Variants in NSUN6 observed in about 807,000 individuals in gnomAD.
NSUN6 encodes the protein NOP2/Sun RNA methyltransferase 6, also known as tRNA (cytosine(72)-C(5))-methyltransferase NSUN6.
NSUN6 carries 64 observed loss-of-function variants against 58.0 expected under a neutral mutation model. The ratio of observed to expected loss-of-function variants is 1.10; its 90% confidence interval spans 0.90 to 1.36. The LOEUF is 1.36. Ranked by LOEUF, NSUN6 falls within the 40% of genes most tolerant of loss-of-function variation. The pLI is 0.00. For missense variants in NSUN6, 701 were observed against 550.1 expected (o/e 1.27, Z -2.74); for synonymous variants, 231 against 193.9 (o/e 1.19, Z -1.59).
chr10:18,575,078 A>G (rs2056582554), intron 8 of NSUN6, among the ~76,000 whole-genome samples: 1 of 152,184 alleles, frequency 6.6e-6, no homozygotes. Context: ...ATGAAAATGG[A>G]TATTGCCAGA....
intron 4 of NSUN6, 97 bp from the exon 5 acceptor site, chr10:18,614,710 A>G (rs2058351261): frequency 2.1e-6 from 1 of 479,554 alleles, no homozygotes; most frequent in Non-Finnish European, 3.4e-6. Flanking sequence ...AGAGGCATCA[A>G]TAGTGGGCAT....
chr10:18,571,925 TTCCATTCCATTC>T (rs1490562102), intron 8 of NSUN6, among the ~76,000 whole-genome samples: 2 of 150,010 alleles, frequency 1.3e-5, no homozygotes, highest in Non-Finnish European at 3.0e-5. Context: ...CCATTCCCCT[TTCCATTCCATTC>T]TCCATTCCAT....
chr10:18,587,149 G>A (rs1216344121), intron 7 of NSUN6, among the ~76,000 whole-genome samples: 3 of 152,044 alleles, frequency 2.0e-5, no homozygotes, highest in African/African-American at 7.3e-5. Context: ...TGCAATCTTC[G>A]AAAGACACTT....
At chr10:18,546,915 G>C (rs1192904997) in intron 10 of NSUN6, among the ~76,000 whole-genome samples, 2 of 149,888 alleles carry the variant, frequency 1.3e-5, no homozygotes, top group Admixed American at 1.3e-4. Context: ...GAGAAGGAAG[G>C]GAGTGGGGAC....
intron 6 of NSUN6, among the ~76,000 whole-genome samples, chr10:18,601,352 C>A (rs908893142): frequency 6.6e-6 from 1 of 152,138 alleles, no homozygotes; most frequent in African/African-American, 2.4e-5. Context: ...TCACAGACTT[C>A]TCTGTGGGCC....
intron 7 of NSUN6, among the ~76,000 whole-genome samples, chr10:18,594,212 AAAG>A (rs1377291471): frequency 6.6e-6 from 1 of 151,688 alleles, no homozygotes; most frequent in South Asian, 2.1e-4. Flanking sequence ...AAAAAAAAAA[AAAG>A]AAAGCAAGCC....
At chr10:18,649,553 C>G (rs1264896272) in intron 1 of NSUN6, among the ~76,000 whole-genome samples, 1 of 150,460 alleles carries the variant, frequency 6.6e-6, no homozygotes, top group Admixed American at 6.7e-5. Flanking sequence ...ACTTGAGTCC[C>G]AGAGGTCGAA....
chr10:18,581,686 T>C (rs543040494), intron 8 of NSUN6, among the ~76,000 whole-genome samples: 2 of 151,966 alleles, frequency 1.3e-5, no homozygotes, highest in African/African-American at 2.4e-5. Flanking sequence ...ATTACCTGGG[T>C]GCGGTGGCAT....
intron 8 of NSUN6, among the ~76,000 whole-genome samples, chr10:18,560,261 GACGGC>G (rs2055391825): frequency 6.6e-6 from 1 of 151,184 alleles, no homozygotes. Context: ...ATGGATAATG[GACGGC>G]AATGGAATAG....
chr10:18,592,409 C>A (rs1278841242), intron 7 of NSUN6, among the ~76,000 whole-genome samples: 1 of 152,144 alleles, frequency 6.6e-6, no homozygotes, highest in Non-Finnish European at 1.5e-5. Context: ...GCAAGTATAG[C>A]CAAGCCAATC....
intron 7 of NSUN6, among the ~76,000 whole-genome samples, chr10:18,586,962 A>C (rs754952194): frequency 6.6e-6 from 1 of 152,096 alleles, no homozygotes; most frequent in Non-Finnish European, 1.5e-5. Context: ...GCTCGACAGA[A>C]AGGTTCTCCA....
chr10:18,549,684 G>C (rs1342175909), intron 9 of NSUN6, among the ~76,000 whole-genome samples: 1 of 151,994 alleles, frequency 6.6e-6, no homozygotes, highest in Non-Finnish European at 1.5e-5. Context: ...CAGGAGATAA[G>C]GTATTGTGCT....
chr10:18,651,953 T>A (rs1450236945), upstream of NSUN6: 1 of 985,290 alleles, frequency 1.0e-6, no homozygotes, highest in Non-Finnish European at 1.2e-6. Flanking sequence ...TGTCCTCCAG[T>A]TAGAGGATGA....
intron 4 of NSUN6, among the ~76,000 whole-genome samples, chr10:18,615,492 T>A (rs190513761): frequency 3.9e-5 from 6 of 152,316 alleles, no homozygotes; most frequent in Admixed American, 3.9e-4. Context: ...TGTGGCATAT[T>A]CTTCTTTATA....
chr10:18,549,811 T>C (rs1034004084), intron 9 of NSUN6, among the ~76,000 whole-genome samples: 6 of 152,226 alleles, frequency 3.9e-5, no homozygotes, highest in African/African-American at 1.4e-4. Context: ...AATCAGAGTA[T>C]GCTGATCAAA....
intron 8 of NSUN6, among the ~76,000 whole-genome samples, chr10:18,561,877 G>T (rs934339573): frequency 1.3e-5 from 2 of 151,256 alleles, no homozygotes; most frequent in Non-Finnish European, 2.9e-5. Context: ...ATGGAGAATG[G>T]AATGGAATGG....
intron 7 of NSUN6, among the ~76,000 whole-genome samples, chr10:18,594,493 T>C (rs1039238506): frequency 1.3e-5 from 2 of 151,592 alleles, no homozygotes; most frequent in Non-Finnish European, 2.9e-5. Flanking sequence ...CTGTCACCCA[T>C]GCTGGAGTGC....
intron 8 of NSUN6, among the ~76,000 whole-genome samples, chr10:18,562,726 CG>C (rs2055617544): frequency 5.3e-5 from 7 of 130,928 alleles, no homozygotes; most frequent in African/African-American, 2.0e-4. Context: ...GAATGGAATG[CG>C]AAATGGAATG....
chr10:18,615,106 C>CAT (rs5783616), intron 4 of NSUN6, among the ~76,000 whole-genome samples: 4,355 of 146,984 alleles, frequency 0.03, 116 homozygotes, highest in Admixed American at 0.077. Context: ...TATAGTCATT[C>CAT]ATATATATAT....
Sources: allele counts gnomAD v4.1 joint callset (sites outside exome capture counted in the v4.1 genomes callset), GRCh38; gene constraint gnomAD v4.1.1; transcripts MANE v1.5; gene names NCBI Gene and HGNC (gene_info 2026-07-23, HGNC 2026-07-21).